THEM4: variants seen among roughly 807,000 people sequenced by gnomAD.
THEM4 encodes the protein thioesterase superfamily member 4, also known as acyl-coenzyme A thioesterase THEM4.
In THEM4, 22 loss-of-function variants were observed where a neutral mutation model predicts 25.0. That is an observed-to-expected ratio of 0.88 (90% confidence interval 0.63 to 1.26). THEM4 has a LOEUF of 1.26. Among genes scored for constraint, THEM4 ranks in the 50% most tolerant of loss-of-function variants. THEM4 has a pLI of 0.00. For missense variants in THEM4, 286 were observed against 300.3 expected (o/e 0.95, Z 0.35); for synonymous variants, 113 against 105.6 (o/e 1.07, Z -0.43).
chr1:151,894,931 A>G, intron 2 of THEM4, 77 bp downstream of exon 2: 1 of 1,418,960 alleles, frequency 7.0e-7, no homozygotes, highest in South Asian at 1.2e-5. Context: ...TTTTTCAGGT[A>G]GTAACTAGTA....
At chr1:151,906,068 T>C (rs1482134824) in intron 1 of THEM4, among the ~76,000 whole-genome samples, 1 of 152,248 alleles carries the variant, frequency 6.6e-6, no homozygotes, top group Admixed American at 6.5e-5. Flanking sequence ...ACTGCTGCAC[T>C]GTGGGAGCGC....
chr1:151,889,489 T>C, intron 2 of THEM4, 116 bp from the exon 3 acceptor site: 1 of 1,076,438 alleles, frequency 9.3e-7, no homozygotes, highest in Non-Finnish European at 1.3e-6. Context: ...GATTCAAATG[T>C]CCACAGGGTG....
chr1:151,909,217 G>T, intron 1 of THEM4, 143 bp downstream of exon 1: 1 of 618,392 alleles, frequency 1.6e-6, no homozygotes, highest in Non-Finnish European at 2.7e-6. Context: ...GGCCCCTGTT[G>T]CTTATGCTGC....
chr1:151,907,195 G>T (rs549420346), intron 1 of THEM4, among the ~76,000 whole-genome samples: 1 of 152,174 alleles, frequency 6.6e-6, no homozygotes, highest in Non-Finnish European at 1.5e-5. Context: ...TCACCACGAA[G>T]GTCCGCAATT....
intron 2 of THEM4, among the ~76,000 whole-genome samples, chr1:151,891,964 G>GT (rs899880186): frequency 3.9e-4 from 59 of 150,768 alleles, no homozygotes; most frequent in African/African-American, 5.4e-4. Context: ...TTTTGTTTTT[G>GT]TTTTTTTTTG....
At chr1:151,895,588 G>C (rs908427167) in intron 1 of THEM4, among the ~76,000 whole-genome samples, 3 of 151,534 alleles carry the variant, frequency 2.0e-5, no homozygotes, top group African/African-American at 7.3e-5. Context: ...TAAGGGAGAA[G>C]TACTCATCTA....
At chr1:151,903,437 A>C (rs1183268105) in intron 1 of THEM4, among the ~76,000 whole-genome samples, 1 of 152,230 alleles carries the variant, frequency 6.6e-6, no homozygotes, top group Non-Finnish European at 1.5e-5. Flanking sequence ...ATAGCAGAAA[A>C]ATAGTCCATT....
chr1:151,881,045 A>G (rs144925294), intron 4 of THEM4, among the ~76,000 whole-genome samples: 1 of 152,022 alleles, frequency 6.6e-6, no homozygotes, highest in African/African-American at 2.4e-5. Flanking sequence ...CATTCTCTCC[A>G]CTGAAAAATA....
At chr1:151,906,268 C>A (rs1158490035) in intron 1 of THEM4, among the ~76,000 whole-genome samples, 1 of 152,248 alleles carries the variant, frequency 6.6e-6, no homozygotes, top group Non-Finnish European at 1.5e-5. Flanking sequence ...CAATGAGGGG[C>A]TTAGCACCCG....
chr1:151,906,107 G>C (rs1055402728), intron 1 of THEM4, among the ~76,000 whole-genome samples: 2 of 152,260 alleles, frequency 1.3e-5, no homozygotes, highest in Non-Finnish European at 2.9e-5. Context: ...GCCAGAGCCG[G>C]CTCCCTCAGC....
At chr1:151,903,414 A>G (rs1166227806) in intron 1 of THEM4, among the ~76,000 whole-genome samples, 1 of 152,254 alleles carries the variant, frequency 6.6e-6, no homozygotes, top group Admixed American at 6.5e-5. Context: ...AATATCAGTT[A>G]CCACCATTTT....
intron 5 of THEM4, 54 bp downstream of exon 5, chr1:151,876,947 A>T: frequency 6.5e-7 from 1 of 1,535,852 alleles, no homozygotes; most frequent in Non-Finnish European, 8.7e-7. Flanking sequence ...ACCAACCAAA[A>T]CTCCCAACCC....
intron 1 of THEM4, among the ~76,000 whole-genome samples, chr1:151,900,557 T>C (rs887696519): frequency 1.1e-4 from 16 of 152,124 alleles, no homozygotes; most frequent in Admixed American, 2.0e-4. Context: ...AAACAAACTT[T>C]AAAGCAACAG....
intron 1 of THEM4, among the ~76,000 whole-genome samples, chr1:151,902,925 T>C (rs992468889): frequency 9.2e-5 from 14 of 151,906 alleles, no homozygotes; most frequent in Admixed American, 9.2e-4. Context: ...GAGGTGGAGG[T>C]TGCAGTGAGC....
At chr1:151,887,457 TTAAAAATAAAAA>T (rs1447612585) in intron 4 of THEM4, among the ~76,000 whole-genome samples, 1 of 150,588 alleles carries the variant, frequency 6.6e-6, no homozygotes, top group East Asian at 1.9e-4. Context: ...AATAAAAAAA[TTAAAAATAAAAA>T]AATCAAAAAG....
intron 4 of THEM4, among the ~76,000 whole-genome samples, chr1:151,884,455 CG>C (rs1653919524): frequency 6.6e-6 from 1 of 152,076 alleles, no homozygotes; most frequent in African/African-American, 2.4e-5. Context: ...GCCCACAAGG[CG>C]GGGTAGTTAT....
At chr1:151,878,094 C>T (rs193224163) in intron 4 of THEM4, among the ~76,000 whole-genome samples, 25 of 152,290 alleles carry the variant, frequency 1.6e-4, no homozygotes, top group Non-Finnish European at 2.9e-4. Context: ...ACCCAGGGGA[C>T]ATTAGGTGTT....
chr1:151,908,290 A>G (rs753302091), intron 1 of THEM4, among the ~76,000 whole-genome samples: 1 of 152,194 alleles, frequency 6.6e-6, no homozygotes, highest in Non-Finnish European at 1.5e-5. Flanking sequence ...TGTGTTTTGC[A>G]TGTCTTTCTG....
rs778460954 is a variant in THEM4, at chr1:151,889,341, G to A, written c.319C>T (p.Gln107Ter). 6.2e-7 allele frequency: 1 copy of A among 1,613,960 alleles called. No individual in the cohort carries two copies. The highest frequency in any genetic ancestry group is 8.5e-7 in the Non-Finnish European group (1 of 1,179,898). Residue 107 changes from glutamine to a stop codon, truncating the protein, a stop_gained, in exon 3 of 6, where the codon CAG becomes TAG. Coordinates refer to ENST00000368814, the MANE Select transcript of THEM4 (RefSeq NM_053055.5). LOFTEE classifies it high-confidence loss of function. ...AAGCTTCTGGTGAAGAGCTGGGCCT[G>A]TGACATTTGTTCTTCTTTCATAAGC... ...PKLMKEEQMS[Q>*]AQLFTRSFDD...
Sources: allele counts gnomAD v4.1 joint callset (sites outside exome capture counted in the v4.1 genomes callset), GRCh38; gene constraint gnomAD v4.1.1; transcripts MANE v1.5; gene names NCBI Gene and HGNC (gene_info 2026-07-23, HGNC 2026-07-21).